SLC35F4: variants seen among roughly 807,000 people sequenced by gnomAD.
SLC35F4 encodes solute carrier family 35 member F4, also known as chromosome 14 open reading frame 36.
In SLC35F4, 24 loss-of-function variants were observed where a neutral mutation model predicts 44.2. The ratio of observed to expected loss-of-function variants is 0.54; its 90% CI spans 0.39 to 0.76. The LOEUF is 0.76. SLC35F4 is among the 30% of genes least tolerant of loss of function. SLC35F4 has a pLI of 0.00. For synonymous variants in SLC35F4, 238 were observed against 223.6 expected (o/e 1.06, Z -0.57); for missense variants, 562 against 586.1 (o/e 0.96, Z 0.42).
chr14:57,896,530 A>G (rs1888873783), intron 1 of SLC35F4, among the ~76,000 whole-genome samples: 2 of 152,174 alleles, frequency 1.3e-5, no homozygotes, highest in Admixed American at 1.3e-4. Context: ...AAGGACGTAT[A>G]TGTGATGTAT....
At chr14:57,595,429 T>A (rs1313048701) in intron 1 of SLC35F4, among the ~76,000 whole-genome samples, 3 of 152,180 alleles carry the variant, frequency 2.0e-5, no homozygotes, top group African/African-American at 7.2e-5. Context: ...TGTCTTTTTT[T>A]TCCCTTTCCA....
At chr14:57,686,620 T>C (rs1000763959) in intron 1 of SLC35F4, among the ~76,000 whole-genome samples, 1 of 152,108 alleles carries the variant, frequency 6.6e-6, no homozygotes, top group African/African-American at 2.4e-5. Flanking sequence ...AAAATCACAG[T>C]TATATGACAA....
chr14:57,627,624 G>A (rs1186250770), intron 1 of SLC35F4, among the ~76,000 whole-genome samples: 1 of 152,006 alleles, frequency 6.6e-6, no homozygotes, highest in Non-Finnish European at 1.5e-5. Context: ...TCTCTTAGAT[G>A]AACCCAAGAA....
intron 1 of SLC35F4, among the ~76,000 whole-genome samples, chr14:57,727,216 T>C (rs2076228561): frequency 1.3e-5 from 2 of 151,894 alleles, no homozygotes; most frequent in African/African-American, 4.8e-5. Context: ...TATTGGTATA[T>C]AGTAGCCACT....
chr14:57,838,628 T>C (rs1038475753), intron 1 of SLC35F4, among the ~76,000 whole-genome samples: 4 of 152,022 alleles, frequency 2.6e-5, no homozygotes, highest in African/African-American at 9.7e-5. Context: ...TCAACAACAA[T>C]AAGAGACATG....
chr14:57,871,552 T>C (rs1485825128), intron 1 of SLC35F4, among the ~76,000 whole-genome samples: 1 of 152,216 alleles, frequency 6.6e-6, no homozygotes, highest in Non-Finnish European at 1.5e-5. Flanking sequence ...GCCTCAAACC[T>C]GCTGCATATT....
At chr14:57,876,201 T>C (rs1483973829) in intron 1 of SLC35F4, among the ~76,000 whole-genome samples, 2 of 152,194 alleles carry the variant, frequency 1.3e-5, no homozygotes, top group African/African-American at 4.8e-5. Context: ...AGCAATGCAG[T>C]AAGTTTCACA....
chr14:57,881,687 C>T (rs1454314078), intron 1 of SLC35F4, among the ~76,000 whole-genome samples: 2 of 152,148 alleles, frequency 1.3e-5, no homozygotes, highest in African/African-American at 4.8e-5. Context: ...GCAAATTTCA[C>T]TTACACTGCA....
intron 1 of SLC35F4, among the ~76,000 whole-genome samples, chr14:57,882,711 T>C (rs1045424379): frequency 6.6e-6 from 1 of 152,156 alleles, no homozygotes; most frequent in African/African-American, 2.4e-5. Flanking sequence ...TCTCCTGCCT[T>C]TGGGTAGTAA....
intron 1 of SLC35F4, among the ~76,000 whole-genome samples, chr14:57,929,720 C>A (rs954772844): frequency 6.6e-6 from 1 of 152,174 alleles, no homozygotes; most frequent in Non-Finnish European, 1.5e-5. Flanking sequence ...ATTGTATTAT[C>A]TTCTTTCTCC....
chr14:57,925,663 TG>T (rs1232379263), intron 1 of SLC35F4, among the ~76,000 whole-genome samples: 1 of 150,672 alleles, frequency 6.6e-6, no homozygotes, highest in African/African-American at 2.4e-5. Flanking sequence ...TTAATAAAAA[TG>T]GCAGAATAGC....
intron 1 of SLC35F4, among the ~76,000 whole-genome samples, chr14:57,816,619 A>G (rs1296716761): frequency 2.0e-5 from 3 of 152,262 alleles, no homozygotes; most frequent in African/African-American, 7.2e-5. Context: ...AACACATTGA[A>G]CGCTGTATAT....
intron 1 of SLC35F4, among the ~76,000 whole-genome samples, chr14:57,700,834 A>G (rs2075518521): frequency 6.6e-6 from 1 of 152,130 alleles, no homozygotes; most frequent in African/African-American, 2.4e-5. Flanking sequence ...GAGCCTAGGG[A>G]GGCAGGTGCT....
At chr14:57,854,863 A>G (rs369866693) in intron 1 of SLC35F4, among the ~76,000 whole-genome samples, 2 of 152,246 alleles carry the variant, frequency 1.3e-5, no homozygotes, top group African/African-American at 4.8e-5. Flanking sequence ...AGAAATTGGT[A>G]AAGAGTAGAA....
At chr14:57,630,892 A>T in intron 1 of SLC35F4, 1 of 876,222 alleles carries the variant, frequency 1.1e-6, no homozygotes, top group Non-Finnish European at 1.4e-6. Flanking sequence ...TGTTATGAGC[A>T]GCCACCAATT....
chr14:57,656,376 TACACACACACACAC>T (rs3054456), intron 1 of SLC35F4, among the ~76,000 whole-genome samples: 4 of 74,050 alleles, frequency 5.4e-5, no homozygotes, highest in South Asian at 8.8e-4. Flanking sequence ...TATATATATA[TACACACACACACAC>T]ACACACACAC....
intron 1 of SLC35F4, among the ~76,000 whole-genome samples, chr14:57,696,541 T>C (rs1351657594): frequency 6.6e-6 from 1 of 152,222 alleles, no homozygotes; most frequent in African/African-American, 2.4e-5. Flanking sequence ...AGAAATACCA[T>C]TTGACCCAGC....
chr14:57,714,056 G>A (rs982648088), intron 1 of SLC35F4, among the ~76,000 whole-genome samples: 3 of 152,194 alleles, frequency 2.0e-5, no homozygotes, highest in Non-Finnish European at 2.9e-5. Flanking sequence ...CACAGGGACA[G>A]TAGCAGCCTC....
chr14:57,944,713 AAGAAAGAAAGAAAG>A (rs1249684365), intron 1 of SLC35F4, among the ~76,000 whole-genome samples: 14 of 116,248 alleles, frequency 1.2e-4, no homozygotes, highest in African/African-American at 3.9e-4. Flanking sequence ...GAAAGAAAGA[AAGAAAGAAAGAAAG>A]AAAGAAAGAA....
Sources: allele counts gnomAD v4.1 joint callset (sites outside exome capture counted in the v4.1 genomes callset), GRCh38; gene constraint gnomAD v4.1.1; transcripts MANE v1.5; gene names NCBI Gene and HGNC (gene_info 2026-07-23, HGNC 2026-07-21).